The following PTH1R variants were observed in gnomAD, a reference collection of about 807,000 sequenced individuals.
PTH1R encodes parathyroid hormone 1 receptor.
In PTH1R, 32 loss-of-function variants were observed where a neutral mutation model predicts 70.7. The ratio of observed to expected loss-of-function variants is 0.45; its 90% CI spans 0.34 to 0.61. PTH1R has a LOEUF of 0.61. PTH1R is among the 20% of genes least tolerant of loss of function. PTH1R has a pLI of 0.01. For missense variants in PTH1R, 626 were observed against 792.5 expected, an observed-to-expected ratio of 0.79 and a Z score of 2.52; for synonymous variants, 329 against 324.8, an observed-to-expected ratio of 1.01 and a Z score of -0.14.
In PTH1R at chr3:46,891,559, GT is replaced by G. The variant is rs2031415871; in HGVS notation, c.76-2347del. The stretch of plus-strand genomic sequence containing the variant: ...GGAGAAAATACAGCACAATGGGTTT[GT>G]CTTGAGAGGGGTGGAGGTGGCAGAA... On this transcript the variant is annotated intron_variant, in intron 3 of 15. Coordinates refer to ENST00000449590, the MANE Select transcript of PTH1R (RefSeq NM_000316.3). The surrounding 1 kb of genome is among the most constrained non-coding windows in gnomAD (Gnocchi z 4.3). Among the ~76,000 whole-genome samples, 3 of 152,216 alleles carry G rather than the reference GT, an allele frequency of 2.0e-5. No individual in the cohort carries two copies. The highest frequency in any genetic ancestry group is 4.4e-5 in the Non-Finnish European group (3 of 68,040).
intron 1 of PTH1R, among the ~76,000 whole-genome samples, chr3:46,878,628 G>A (rs2030374888): frequency 6.6e-6 from 1 of 152,218 alleles, no homozygotes; most frequent in African/African-American, 2.4e-5. Flanking sequence ...GGTTTTCTGA[G>A]GGAGGAAGGC....
Position 46,882,851 on chromosome 3 carries a change from C to G in PTH1R, c.-48-661C>G, listed in dbSNP as rs1425526200. 6.6e-6 allele frequency among the ~76,000 whole-genome samples: 1 copy of G among 151,688 alleles called. No individual in the cohort carries two copies. The highest frequency in any genetic ancestry group is 2.0e-4 in the East Asian group (1 of 5,036). ...TCTGGCCAAGGATGGGGAAGGGGTG[C>G]GGGAGGCGGCTGCCGAGGGTCTGGG... is the stretch of plus-strand genomic sequence containing the variant. On this transcript the variant is annotated intron_variant, in intron 2 of 15. Transcript: ENST00000449590. The surrounding 1 kb of genome is among the most constrained non-coding windows in gnomAD (Gnocchi z 4.3).
chr3:46,881,544 A>T (rs1002949880), intron 2 of PTH1R, among the ~76,000 whole-genome samples: 1 of 152,084 alleles, frequency 6.6e-6, no homozygotes, highest in Non-Finnish European at 1.5e-5. Context: ...GGCAAGCTGG[A>T]GAGGCCCGGC....
rs150464988 is a variant in PTH1R, at chr3:46,899,688, C to T, written c.988+232C>T. 4.3e-3 allele frequency among the ~76,000 whole-genome samples: 659 copies of T among 152,272 alleles called. 7 individuals carry two copies. Among genetic ancestry groups the T allele is most frequent in the African/African-American group, 0.014 (578 of 41,548 alleles). On this transcript the variant is annotated intron_variant, in intron 10 of 15. Coordinates refer to ENST00000449590, the MANE Select transcript of PTH1R (RefSeq NM_000316.3). ...GGTTAGATTCACCTGAATTGAGGCTCGGCCCAGGAGAGGGAAAGGAGGAAC... is the reference window on the plus strand; with the variant it reads ...GGTTAGATTCACCTGAATTGAGGCTTGGCCCAGGAGAGGGAAAGGAGGAAC...
intron 9 of PTH1R, 52 bp downstream of exon 9, chr3:46,898,909 G>A (rs2031940045): frequency 8.3e-7 from 1 of 1,202,476 alleles, no homozygotes; most frequent in Non-Finnish European, 1.1e-6. Context: ...GCCTCGTGGG[G>A]CCCCGCCCCG....
At position 46,902,838 on chromosome 3, in the gene PTH1R, C is replaced by T; in HGVS notation, c.1395+48C>T. The T allele has an allele frequency of 2.5e-6, 4 of 1,607,828 alleles. No homozygotes were observed. The highest frequency in any genetic ancestry group is 3.4e-6 in the Non-Finnish European group (4 of 1,175,410). ...ATAGGGCAGGGTGGGGCAGATACCC[C>T]AGAGGCTTCCTCAAGGCTCATTTCT... is the stretch of plus-strand genomic sequence containing the variant. On this transcript the variant is annotated intron_variant, in intron 15 of 15. Coordinates refer to ENST00000449590, the MANE Select transcript of PTH1R (RefSeq NM_000316.3). The surrounding 1 kb of genome is among the most constrained non-coding windows in gnomAD (Gnocchi z 5.4).
intron 7 of PTH1R, 61 bp downstream of exon 7, chr3:46,898,253 C>T: frequency 6.3e-7 from 1 of 1,590,400 alleles, no homozygotes; most frequent in Non-Finnish European, 8.6e-7. Context: ...CCACGGGTGA[C>T]CCCTGACCCA....
Position 46,903,455 on chromosome 3 carries a change from C to T in PTH1R, c.1581C>T (p.Thr527=), listed in dbSNP as rs2032252473. 1 of 1,613,500 alleles carries T rather than the reference C, an allele frequency of 6.2e-7. No individual in the cohort carries two copies. The highest frequency in any genetic ancestry group is 8.5e-7 in the Non-Finnish European group (1 of 1,179,958). The change falls in exon 16 of 16, where the codon ACC becomes ACT. Residue 527 remains threonine (T), a synonymous_variant. Transcript: ENST00000449590. The surrounding 1 kb of genome is among the most constrained non-coding windows in gnomAD (Gnocchi z 4.4). ...PLSPRLLPTA[T]TNGHPQLPGH... The stretch of plus-strand genomic sequence containing the variant: ...GCCCCCGCCTACTGCCCACTGCCAC[C>T]ACCAACGGCCACCCTCAGCTGCCTG...
Position 46,903,559 on chromosome 3 carries a change from G to A in PTH1R, c.1685G>A (p.Gly562Glu). 6.2e-7 allele frequency: 1 copy of A among 1,613,986 alleles called. No homozygotes were observed. Among genetic ancestry groups the A allele is most frequent in the Non-Finnish European group, 8.5e-7 (1 of 1,180,022 alleles). The part of the protein sequence containing the change: ...PPAMAAPKDD[G>E]FLNGSCSGLD... The stretch of plus-strand genomic sequence containing the variant: ...GCCATGGCTGCTCCCAAGGACGATG[G>A]GTTCCTCAACGGCTCCTGCTCAGGC... Residue 562 changes from glycine (G) to glutamate (E), a missense_variant, in exon 16 of 16, where the codon GGG (glycine) becomes GAG (glutamate). Gly to Glu is a moderately conservative substitution (Grantham distance 98). Transcript: ENST00000449590. The surrounding 1 kb of genome is among the most constrained non-coding windows in gnomAD (Gnocchi z 4.4).
chr3:46,898,470 T>C lies in PTH1R; in HGVS notation c.636T>C (p.Phe212=). 1 of 1,613,374 alleles carries C rather than the reference T, an allele frequency of 6.2e-7. No homozygotes were observed. The highest frequency in any genetic ancestry group is 8.5e-7 in the Non-Finnish European group (1 of 1,179,530). The change falls in exon 8 of 16, where the codon TTT becomes TTC. Residue 212 remains phenylalanine (F), a splice_region_variant and synonymous_variant. Coordinates refer to ENST00000449590, the MANE Select transcript of PTH1R (RefSeq NM_000316.3). ...TAGCTGTGCTCATCCTGGCCTACTT[T>C]AGGTGGGCGGGGCGGGGCGAGAGGC... The part of the protein sequence containing the change: ...LTVAVLILAY[F]RRLHCTRNYI...
chr3:46,903,080 T>G lies in PTH1R; in HGVS notation c.1396-190T>G. 1 of 1,163,140 alleles carries G rather than the reference T, an allele frequency of 8.6e-7. No individual in the cohort carries two copies. The highest frequency in any genetic ancestry group is 1.2e-6 in the Non-Finnish European group (1 of 809,304). 72.1% of individuals were successfully genotyped at this position (1,163,140 alleles called of 1,614,324 possible). On this transcript the variant is annotated intron_variant, in intron 15 of 15. Transcript: ENST00000449590. This position sits in a 1 kb window ranked among gnomAD's most constrained non-coding sequence, Gnocchi z 4.4. Reference sequence around the variant, plus strand: ...GCCACCTTTGGGGCAATTTGAGCCTTGTAGATTCTGGGTGTGTCGGCTGCC... The same window carrying G: ...GCCACCTTTGGGGCAATTTGAGCCTGGTAGATTCTGGGTGTGTCGGCTGCC...
chr3:46,888,625 C>T (rs763268940), intron 3 of PTH1R, among the ~76,000 whole-genome samples: 5 of 152,188 alleles, frequency 3.3e-5, no homozygotes, highest in African/African-American at 1.2e-4. Context: ...TTTGCAGAAA[C>T]ATCAGAGACC....
chr3:46,895,628 G>A, intron 4 of PTH1R, 107 bp from the exon 5 acceptor site: 2 of 1,568,824 alleles, frequency 1.3e-6, no homozygotes, highest in Non-Finnish European at 1.7e-6. Context: ...ACCAGGGCAG[G>A]AGACAACCCC....
At position 46,898,302 on chromosome 3, in the gene PTH1R, C is replaced by T. The variant is rs561023499; in HGVS notation, c.544-76C>T. 1.9e-6 allele frequency: 3 copies of T among 1,575,168 alleles called. No individual in the cohort carries two copies. The East Asian group carries it at 6.7e-5, about 35-fold the overall frequency. ...ACCTTGACTCCTCCAGCAACCTTAC[C>T]CTGGCCTCTTGCTCTTACCCTGATG... On this transcript the variant is annotated intron_variant, in intron 7 of 15. Coordinates refer to ENST00000449590, the MANE Select transcript of PTH1R (RefSeq NM_000316.3).
rs935000652 is a variant in PTH1R, at chr3:46,902,458, G to T, written c.1212-68G>T. ...TTCCGGAGCCTGGGGCTCGCAGGGT[G>T]GGGGGTGGCACAATGCTTGTTGAAG... On this transcript the variant is annotated intron_variant, in intron 13 of 15. Transcript: ENST00000449590. The surrounding 1 kb of genome is among the most constrained non-coding windows in gnomAD (Gnocchi z 5.4). 40 of 1,585,298 alleles carry T rather than the reference G, an allele frequency of 2.5e-5. No homozygotes were observed. Among genetic ancestry groups the T allele is most frequent in the African/African-American group, 4.0e-5 (3 of 74,190 alleles).
rs557332688 is a variant in PTH1R at position 46,888,249 on chromosome 3, T to A, written c.75+4615T>A. On this transcript the variant is annotated intron_variant, in intron 3 of 15. Transcript: ENST00000449590. ...AGAGCTTGCTCGGGGCCATTAACCA[T>A]CATTCTATGGGTTATTTGTCTTTTT... 1.3e-3 allele frequency among the ~76,000 whole-genome samples: 198 copies of A among 152,382 alleles called. 1 individual carries two copies. The highest frequency in any genetic ancestry group is 4.4e-3 in the African/African-American group (184 of 41,592).
In PTH1R at chr3:46,901,630, C is replaced by A; in HGVS notation, c.1117-136C>A. ...GAGGACCAGCTGATCCACACTCCAG[C>A]CCAGAAAGGAAAACCAAGGGCTCAA... On this transcript the variant is annotated intron_variant, in intron 12 of 15. Coordinates refer to ENST00000449590, the MANE Select transcript of PTH1R (RefSeq NM_000316.3). This position sits in a 1 kb window ranked among gnomAD's most constrained non-coding sequence, Gnocchi z 7.3. 1 of 1,347,488 alleles carries A rather than the reference C, an allele frequency of 7.4e-7. No homozygotes were observed. The highest frequency in any genetic ancestry group is 1.0e-6 in the Non-Finnish European group (1 of 961,646). The allele number at this position is 1,347,488 out of a possible 1,614,324, so 83.5% of individuals were successfully genotyped here.
chr3:46,881,207 G>A (rs981871225), intron 2 of PTH1R, 89 bp downstream of exon 2: 2 of 152,410 alleles, frequency 1.3e-5, no homozygotes, highest in African/African-American at 4.8e-5. Flanking sequence ...TTAAAGCCCT[G>A]CGCTCCAGGC....
rs114125063 is a variant in PTH1R, at chr3:46,879,906, G to A, written c.-105-1156G>A. 9.8e-3 allele frequency among the ~76,000 whole-genome samples: 1,485 copies of A among 152,234 alleles called. 24 individuals carry two copies. The highest frequency in any genetic ancestry group is 0.034 in the African/African-American group (1,409 of 41,528). Reference sequence around the variant, plus strand: ...ATGCAAAAATTAGCCAGGCGTGGTGGTGCACAACTATAATGCCAGCTACTC... The same window carrying A: ...ATGCAAAAATTAGCCAGGCGTGGTGATGCACAACTATAATGCCAGCTACTC... On this transcript the variant is annotated intron_variant, in intron 1 of 15. Transcript: ENST00000449590. This position sits in a 1 kb window ranked among gnomAD's most constrained non-coding sequence, Gnocchi z 4.7.
Sources: allele counts gnomAD v4.1 joint callset (sites outside exome capture counted in the v4.1 genomes callset), GRCh38; gene constraint gnomAD v4.1.1; non-coding constraint Gnocchi (gnomAD v3.1); transcripts MANE v1.5; gene names NCBI Gene and HGNC (gene_info 2026-07-23, HGNC 2026-07-21).